Variants in SATB2 observed in about 807,000 individuals in gnomAD.
The protein encoded by SATB2 is DNA-binding protein SATB2.
A neutral mutation model predicts 73.4 loss-of-function variants in SATB2; 1 was observed. The observed-to-expected ratio is 0.01, with a 90% CI of 0.00 to 0.06. SATB2 has a LOEUF of 0.06. SATB2 is among the 10% of genes least tolerant of loss of function. The pLI is 1.00. For synonymous variants in SATB2, 397 were observed against 367.0 expected (o/e 1.08, Z -0.93); for missense variants, 459 against 945.8 (o/e 0.49, Z 6.75).
chr2:199,407,288 CAAAAAAAAA>C (rs34954916), intron 3 of SATB2, among the ~76,000 whole-genome samples: 2 of 77,536 alleles, frequency 2.6e-5, no homozygotes, highest in East Asian at 6.3e-4. Context: ...TCTTGTCTCC[CAAAAAAAAA>C]AAAAAAAAAA....
intron 10 of SATB2, among the ~76,000 whole-genome samples, chr2:199,289,515 T>C (rs543261720): frequency 6.6e-6 from 1 of 152,300 alleles, no homozygotes; most frequent in African/African-American, 2.4e-5. Context: ...AGTCCAATTG[T>C]GTCTCCACAC....
intron 6 of SATB2, among the ~76,000 whole-genome samples, chr2:199,357,388 A>C (rs1689017944): frequency 6.6e-6 from 1 of 152,224 alleles, no homozygotes; most frequent in African/African-American, 2.4e-5. Context: ...TAGTCACTTA[A>C]ATAGAATTAT....
intron 10 of SATB2, among the ~76,000 whole-genome samples, chr2:199,304,615 T>C (rs1687379989): frequency 6.6e-6 from 1 of 152,114 alleles, no homozygotes; most frequent in Admixed American, 6.6e-5. Context: ...ATATTTATGC[T>C]CCCCAGGAAC....
At chr2:199,440,011 C>G (rs926189563) in intron 2 of SATB2, among the ~76,000 whole-genome samples, 1 of 152,058 alleles carries the variant, frequency 6.6e-6, no homozygotes, top group Non-Finnish European at 1.5e-5. Context: ...AGGCTGAGGG[C>G]AGGAGAATGG....
chr2:199,323,456 T>C (rs1316667727), intron 9 of SATB2, among the ~76,000 whole-genome samples: 1 of 146,378 alleles, frequency 6.8e-6, no homozygotes, highest in East Asian at 2.1e-4. Context: ...TGCTGTTATA[T>C]ACATTCTAAG....
chr2:199,304,252 C>T (rs1417022274), intron 10 of SATB2, among the ~76,000 whole-genome samples: 1 of 152,184 alleles, frequency 6.6e-6, no homozygotes, highest in African/African-American at 2.4e-5. Flanking sequence ...ATCTATTCAG[C>T]ACAGGGCCTT....
At chr2:199,274,473 C>T (rs559749625) in intron 10 of SATB2, among the ~76,000 whole-genome samples, 7 of 152,000 alleles carry the variant, frequency 4.6e-5, no homozygotes, top group African/African-American at 1.5e-4. Context: ...AATATTAGGG[C>T]GGATGAAACT....
chr2:199,331,072 G>T (rs549379380), intron 7 of SATB2, among the ~76,000 whole-genome samples: 1 of 152,134 alleles, frequency 6.6e-6, no homozygotes, highest in East Asian at 1.9e-4. Flanking sequence ...ACAAGTTGTG[G>T]AGTTTATTAT....
At position 199,402,325 on chromosome 2, in the gene SATB2, C is replaced by G. The variant is rs150543046; in HGVS notation, c.347-20505G>C. Among the ~76,000 whole-genome samples the G allele has an allele frequency of 7.0e-3, 1,067 of 152,222 alleles. 16 individuals carry two copies. Among genetic ancestry groups the G allele is most frequent in the East Asian group, 0.04 (209 of 5,164 alleles). The stretch of plus-strand genomic sequence containing the variant: ...ACTTGAACCCGGAAGGTGGAGGTTG[C>G]AGTGAGCTGAGATCACGCCACTGCA... On this transcript the variant is annotated intron_variant, in intron 3 of 10. Coordinates refer to ENST00000417098, the MANE Select transcript of SATB2 (RefSeq NM_001172509.2).
rs1301894916 is a variant in SATB2 at position 199,455,298 on chromosome 2, A to G, written c.169+571T>C. On this transcript the variant is annotated intron_variant, in intron 2 of 10. Transcript: ENST00000417098. This position sits in a 1 kb window ranked among gnomAD's most constrained non-coding sequence, Gnocchi z 4.1. ...AATAAAGTTACGAATGCATATGACT[A>G]AACTTTATAGACAACAGCAGCATTT... Among the ~76,000 whole-genome samples the G allele has an allele frequency of 2.0e-5, 3 of 152,244 alleles. No individual in the cohort carries two copies. The highest frequency in any genetic ancestry group is 4.4e-5 in the Non-Finnish European group (3 of 68,054).
rs182098181 is a variant in SATB2, at chr2:199,361,766, T to A, written c.700+6839A>T. Among the ~76,000 whole-genome samples, 176 of 151,540 alleles carry A rather than the reference T, an allele frequency of 1.2e-3. 1 individual carries two copies. Among genetic ancestry groups the A allele is most frequent in the African/African-American group, 4.0e-3 (165 of 41,272 alleles). ...CAGGTCCCAACCATTTCTTTTTTTT[T>A]TTTTTTATGTGAGACAGAGTCACTC... is the stretch of plus-strand genomic sequence containing the variant. On this transcript the variant is annotated intron_variant, in intron 6 of 10. Coordinates refer to ENST00000417098, the MANE Select transcript of SATB2 (RefSeq NM_001172509.2).
chr2:199,321,868 G>A (rs986866095), intron 9 of SATB2, among the ~76,000 whole-genome samples: 2 of 151,866 alleles, frequency 1.3e-5, no homozygotes, highest in African/African-American at 4.8e-5. Flanking sequence ...TGAGATCATT[G>A]TCCCAGTGAA....
chr2:199,355,004 C>T (rs1469054043), intron 6 of SATB2, among the ~76,000 whole-genome samples: 1 of 152,020 alleles, frequency 6.6e-6, no homozygotes, highest in Non-Finnish European at 1.5e-5. Context: ...CAGGAATTTA[C>T]CTGCATTACA....
chr2:199,458,576 C>T (rs1486509031), upstream of SATB2: 1 of 426,508 alleles, frequency 2.3e-6, no homozygotes, highest in Non-Finnish European at 4.6e-6. Context: ...CGCCCAGCCC[C>T]TAGGCGCACT....
intron 6 of SATB2, among the ~76,000 whole-genome samples, chr2:199,358,933 T>C (rs554432630): frequency 1.3e-5 from 2 of 152,330 alleles, no homozygotes; most frequent in East Asian, 1.9e-4. Context: ...TTTGATATCA[T>C]TGATCATTTC....
At chr2:199,344,903 A>C (rs999482061) in intron 7 of SATB2, among the ~76,000 whole-genome samples, 6 of 152,018 alleles carry the variant, frequency 3.9e-5, no homozygotes, top group African/African-American at 1.4e-4. Flanking sequence ...ACTTTAATGA[A>C]ATTATACTCT....
intron 9 of SATB2, among the ~76,000 whole-genome samples, chr2:199,312,271 T>C (rs1687618003): frequency 1.3e-5 from 2 of 152,350 alleles, no homozygotes; most frequent in South Asian, 4.1e-4. Context: ...CAGAAGTTCA[T>C]CTGGTTTCCA....
chr2:199,323,973 T>G lies in SATB2; in HGVS notation c.1387-15A>C, dbSNP rs774854365. ...GAGGTTTTGGCCTACCAAGAGACCA[T>G]GAAAATAATAATTTAAAAAGTGCTG... On this transcript the variant is annotated splice_polypyrimidine_tract_variant and intron_variant, in intron 8 of 10. Coordinates refer to ENST00000417098, the MANE Select transcript of SATB2 (RefSeq NM_001172509.2). The G allele has an allele frequency of 1.2e-6, 2 of 1,613,118 alleles. No homozygotes were observed. Among genetic ancestry groups the G allele is most frequent in the Non-Finnish European group, 8.5e-7 (1 of 1,179,380 alleles).
intron 2 of SATB2, among the ~76,000 whole-genome samples, chr2:199,447,689 G>T (rs1282975908): frequency 6.6e-6 from 1 of 152,088 alleles, no homozygotes; most frequent in Non-Finnish European, 1.5e-5. Context: ...ATGTCTCCTG[G>T]GCAACCACTT....
Sources: gnomAD v4.1 joint callset for allele counts (sites outside exome capture counted in the v4.1 genomes callset) on GRCh38, gnomAD v4.1.1 for gene constraint, Gnocchi (gnomAD v3.1) non-coding constraint, MANE v1.5 for transcripts, NCBI Gene and HGNC (gene_info 2026-07-23, HGNC 2026-07-21) for gene names.